The following JPH2 variants were observed in gnomAD, a reference collection of about 807,000 sequenced individuals.
JPH2 encodes junctophilin 2, also known as junctophilin-2.
In JPH2, 38 loss-of-function variants were observed where a neutral mutation model predicts 55.9. The observed-to-expected ratio is 0.68, with a 90% CI of 0.52 to 0.89. The LOEUF is 0.89. Among genes scored for constraint, JPH2 ranks in the 40% least tolerant of loss-of-function variants. JPH2 has a pLI of 0.00. For synonymous variants in JPH2, 480 were observed against 472.4 expected (o/e 1.02, Z -0.21); for missense variants, 964 against 1,037.6 (o/e 0.93, Z 0.97).
chr20:44,157,759 A>C (rs2145877065), intron 2 of JPH2, among the ~76,000 whole-genome samples: 1 of 152,348 alleles, frequency 6.6e-6, no homozygotes, highest in Admixed American at 6.5e-5. Context: ...CGAGCTAAAA[A>C]AATGGCAAGG....
chr20:44,166,709 C>T (rs907155458), intron 1 of JPH2, among the ~76,000 whole-genome samples: 3 of 152,206 alleles, frequency 2.0e-5, no homozygotes, highest in African/African-American at 7.2e-5. Context: ...CACTCCAACT[C>T]CCTCCAAGAC....
At chr20:44,170,856 A>G (rs143611133) in intron 1 of JPH2, among the ~76,000 whole-genome samples, 20 of 152,368 alleles carry the variant, frequency 1.3e-4, no homozygotes, top group African/African-American at 4.8e-4. Flanking sequence ...CGATGTTACA[A>G]TTGGAAAAAC....
intron 1 of JPH2, among the ~76,000 whole-genome samples, chr20:44,183,456 G>A (rs1206522599): frequency 6.6e-6 from 1 of 152,210 alleles, no homozygotes; most frequent in African/African-American, 2.4e-5. Context: ...TCCAAACACG[G>A]TCTCGAGGGC....
At chr20:44,172,611 G>C (rs762961938) in intron 1 of JPH2, among the ~76,000 whole-genome samples, 2 of 152,114 alleles carry the variant, frequency 1.3e-5, no homozygotes, top group Non-Finnish European at 2.9e-5. Flanking sequence ...TCCCACCTCA[G>C]CCTCCCAAGT....
In JPH2 at chr20:44,159,939, A is replaced by G; in HGVS notation, c.848T>C (p.Ile283Thr). 6.5e-7 allele frequency: 1 copy of G among 1,538,244 alleles called. No individual in the cohort carries two copies. The highest frequency in any genetic ancestry group is 8.7e-7 in the Non-Finnish European group (1 of 1,147,174). The change falls in exon 2 of 6, where the codon ATC (isoleucine) becomes ACC (threonine). Residue 283 changes from isoleucine (I) to threonine (T), a missense_variant. Ile to Thr is a moderately conservative substitution (Grantham distance 89). Coordinates refer to ENST00000372980, the MANE Select transcript of JPH2 (RefSeq NM_020433.5). The surrounding 1 kb of genome is among the most constrained non-coding windows in gnomAD (Gnocchi z 5.7). ...ADEAAPFEAD[I>T]DATTTETYMG... ...GTAGGTCTCGGTGGTGGTGGCGTCG[A>G]TATCGGCCTCGAAGGGTGCGGCCTC... is the stretch of plus-strand genomic sequence containing the variant.
chr20:44,135,996 T>C (rs2072410566), intron 2 of JPH2, among the ~76,000 whole-genome samples: 1 of 152,208 alleles, frequency 6.6e-6, no homozygotes, highest in Admixed American at 6.5e-5. Context: ...AGAAATACTA[T>C]CATTATCACC....
chr20:44,111,397 C>T lies in JPH2; in HGVS notation c.*2121G>A, dbSNP rs6031393. ...ATGAGAAAACTGAGGCTCAGAGAAG[C>T]GAAGAAAGTGGCTGGGCTAGCATTG... On this transcript the variant is annotated 3_prime_UTR_variant, in exon 6 of 6. Transcript: ENST00000372980. Among the ~76,000 whole-genome samples the T allele has an allele frequency of 0.53, 80,939 of 152,014 alleles. 21,684 individuals carry two copies. The highest frequency in any genetic ancestry group is 0.61 in the African/African-American group (25,118 of 41,450).
At position 44,159,762 on chromosome 20, in the gene JPH2, C is replaced by T. The variant is rs760723899; in HGVS notation, c.1025G>A (p.Arg342His). ...PDGHREEGKY[R>H]HNVLVKDTKR... ...GGTGTCCTTGACCAGCACGTTGTGGCGGTACTTGCCCTCCTCGCGGTGGCC... is the reference window on the plus strand; with the variant it reads ...GGTGTCCTTGACCAGCACGTTGTGGTGGTACTTGCCCTCCTCGCGGTGGCC... Residue 342 changes from arginine (R) to histidine (H), a missense_variant, in exon 2 of 6, where the codon CGC becomes CAC. Coordinates refer to ENST00000372980, the MANE Select transcript of JPH2 (RefSeq NM_020433.5). The surrounding 1 kb of genome is among the most constrained non-coding windows in gnomAD (Gnocchi z 5.7). 6.2e-6 allele frequency: 10 copies of T among 1,613,516 alleles called. No homozygotes were observed. Among genetic ancestry groups the T allele is most frequent in the African/African-American group, 2.7e-5 (2 of 74,934 alleles).
At chr20:44,132,355 G>GACACAGAC (rs2072326019) in intron 2 of JPH2, among the ~76,000 whole-genome samples, 1 of 101,220 alleles carries the variant, frequency 9.9e-6, no homozygotes. Context: ...CAGACAGACA[G>GACACAGAC]ACACACACAC....
At chr20:44,128,473 T>G (rs1341017876) in intron 2 of JPH2, among the ~76,000 whole-genome samples, 1 of 152,078 alleles carries the variant, frequency 6.6e-6, no homozygotes, top group Non-Finnish European at 1.5e-5. Flanking sequence ...AAGTAAAAAG[T>G]CTTGAGTGCA....
intron 2 of JPH2, among the ~76,000 whole-genome samples, chr20:44,143,149 C>T (rs890574172): frequency 2.6e-5 from 4 of 152,248 alleles, no homozygotes; most frequent in Admixed American, 2.0e-4. Flanking sequence ...AAGAGAACGG[C>T]CCTTTGAAGG....
At chr20:44,177,582 C>A in intron 1 of JPH2, 1 of 1,160,480 alleles carries the variant, frequency 8.6e-7, no homozygotes, top group African/African-American at 1.6e-5. Context: ...AAGACAGCAG[C>A]TCAGCTGACT....
intron 1 of JPH2, among the ~76,000 whole-genome samples, chr20:44,163,048 A>G (rs116190152): frequency 4.5e-4 from 68 of 151,782 alleles, no homozygotes; most frequent in African/African-American, 1.6e-3. Flanking sequence ...TATTTTTCCC[A>G]TAGCACGTAT....
intron 1 of JPH2, among the ~76,000 whole-genome samples, chr20:44,167,176 TC>T (rs1397093617): frequency 1.3e-5 from 2 of 152,228 alleles, no homozygotes; most frequent in African/African-American, 4.8e-5. Flanking sequence ...TGTTATCATG[TC>T]ATCCATTTTT....
At chr20:44,129,048 C>T (rs1195353955) in intron 2 of JPH2, among the ~76,000 whole-genome samples, 1 of 152,102 alleles carries the variant, frequency 6.6e-6, no homozygotes, top group Admixed American at 6.6e-5. Context: ...ACAGCAAGCT[C>T]GATGCAGATT....
intron 2 of JPH2, among the ~76,000 whole-genome samples, chr20:44,150,809 T>A (rs935459091): frequency 6.6e-6 from 1 of 152,088 alleles, no homozygotes; most frequent in Non-Finnish European, 1.5e-5. Flanking sequence ...GTGGATCACT[T>A]GAGGCCAGGA....
intron 1 of JPH2, among the ~76,000 whole-genome samples, chr20:44,162,785 T>TATATAC (rs2072622940): frequency 6.6e-4 from 33 of 49,982 alleles, no homozygotes; most frequent in African/African-American, 3.1e-3. Flanking sequence ...TATATATATA[T>TATATAC]ATACACACAC....
chr20:44,126,145 AGG>A (rs749056855), intron 2 of JPH2, among the ~76,000 whole-genome samples: 12,680 of 60,708 alleles, frequency 0.21, 1,734 homozygotes, highest in Admixed American at 0.39. Context: ...AGAGAGAGGG[AGG>A]GAGGGAGGGA....
intron 2 of JPH2, among the ~76,000 whole-genome samples, chr20:44,137,916 T>TGGC (rs1201625825): frequency 2.0e-5 from 3 of 152,070 alleles, no homozygotes; most frequent in Non-Finnish European, 4.4e-5. Context: ...TGCTTTCTAC[T>TGGC]GGCAGGACCA....
Sources: gnomAD v4.1 joint callset for allele counts (sites outside exome capture counted in the v4.1 genomes callset) on GRCh38, gnomAD v4.1.1 for gene constraint, Gnocchi (gnomAD v3.1) non-coding constraint, MANE v1.5 for transcripts, NCBI Gene and HGNC (gene_info 2026-07-23, HGNC 2026-07-21) for gene names.